The following NRG3 variants were observed in gnomAD, a reference collection of about 807,000 sequenced individuals.
NRG3 encodes the protein neuregulin 3.
A neutral mutation model predicts 66.9 loss-of-function variants in NRG3; 31 were observed. That is an observed-to-expected ratio of 0.46 (90% CI 0.35 to 0.63). The LOEUF (loss-of-function observed/expected upper bound fraction) is 0.63, where lower values mean the gene tolerates loss of function less well. Among genes scored for constraint, NRG3 ranks in the 20% least tolerant of loss-of-function variants. The probability of loss-of-function intolerance (pLI) is 0.00; values close to 1 mark genes in which losing one functional copy is unlikely to be tolerated. For synonymous variants in NRG3, 393 were observed against 359.4 expected (o/e 1.09, Z -1.06); for missense variants, 910 against 878.9 (o/e 1.04, Z -0.45).
At chr10:82,058,467 C>A (rs961190269) in intron 1 of NRG3, among the ~76,000 whole-genome samples, 1 of 151,630 alleles carries the variant, frequency 6.6e-6, no homozygotes. Flanking sequence ...CGACCCGTTT[C>A]ATCTGTAGAA....
chr10:82,579,234 G>T (rs368432339), intron 2 of NRG3, among the ~76,000 whole-genome samples: 1 of 151,550 alleles, frequency 6.6e-6, no homozygotes, highest in Non-Finnish European at 1.5e-5. Context: ...TATACTGCAA[G>T]ATTTTTTTTT....
At position 82,699,246 on chromosome 10, in the gene NRG3, A is replaced by G. The variant is rs1591220231; in HGVS notation, c.954-39331A>G. 3.0e-5 allele frequency among the ~76,000 whole-genome samples: 4 copies of G among 131,744 alleles called. No individual in the cohort carries two copies. In the East Asian group the frequency reaches 8.5e-4, roughly 28 times the overall value. 86.4% of individuals were successfully genotyped at this position (131,744 alleles called of 152,430 possible). A position where few individuals can be genotyped will look rare whatever the true frequency, so the allele number is the denominator to read the frequency against. On this transcript the variant is annotated intron_variant, in intron 2 of 8. Coordinates refer to ENST00000372141, the MANE Select transcript of NRG3 (RefSeq NM_001010848.4). ...GAAAAGAAAGAAAATAAAAGAAGGA[A>G]AGAGGGAAGGAAGGAAGGAAGGAAG...
At chr10:82,296,733 G>T (rs895470114) in intron 1 of NRG3, among the ~76,000 whole-genome samples, 1 of 150,582 alleles carries the variant, frequency 6.6e-6, no homozygotes, top group Admixed American at 6.6e-5. Context: ...TCATCATATT[G>T]TTCTATCTAA....
At chr10:81,908,266 G>T (rs1243190885) in intron 1 of NRG3, among the ~76,000 whole-genome samples, 1 of 152,088 alleles carries the variant, frequency 6.6e-6, no homozygotes, top group Non-Finnish European at 1.5e-5. Context: ...TATCACCAGT[G>T]ATATCATAGT....
At chr10:82,647,154 CT>C (rs1565162613) in intron 2 of NRG3, among the ~76,000 whole-genome samples, 1 of 151,926 alleles carries the variant, frequency 6.6e-6, no homozygotes, top group Non-Finnish European at 1.5e-5. Context: ...TCCCTCCCCA[CT>C]CCCCCGACCC....
At chr10:81,918,091 T>G (rs1189531798) in intron 1 of NRG3, among the ~76,000 whole-genome samples, 3 of 152,242 alleles carry the variant, frequency 2.0e-5, no homozygotes, top group African/African-American at 4.8e-5. Flanking sequence ...GAAATAGTTT[T>G]TTCATGCTGA....
At chr10:81,952,383 G>A (rs569864959) in intron 1 of NRG3, among the ~76,000 whole-genome samples, 21 of 152,184 alleles carry the variant, frequency 1.4e-4, no homozygotes, top group African/African-American at 4.8e-4. Flanking sequence ...GCTTGTGTGT[G>A]TGTGTATGTG....
chr10:82,426,813 T>G (rs2089479530), intron 2 of NRG3, among the ~76,000 whole-genome samples: 1 of 151,796 alleles, frequency 6.6e-6, no homozygotes, highest in Non-Finnish European at 1.5e-5. Context: ...TTTGTAATTT[T>G]TAATTTTCTT....
chr10:82,678,375 G>A (rs937589937), intron 2 of NRG3, among the ~76,000 whole-genome samples: 1 of 152,136 alleles, frequency 6.6e-6, no homozygotes, highest in Non-Finnish European at 1.5e-5. Context: ...TTCTCTGGCC[G>A]GCAGGGGTGG....
At chr10:82,625,383 C>G (rs1476753369) in intron 2 of NRG3, among the ~76,000 whole-genome samples, 1 of 152,022 alleles carries the variant, frequency 6.6e-6, no homozygotes, top group Non-Finnish European at 1.5e-5. Flanking sequence ...ATTAAATACA[C>G]AGATACTTTT....
At chr10:81,994,451 A>G (rs997814582) in intron 1 of NRG3, among the ~76,000 whole-genome samples, 3 of 152,166 alleles carry the variant, frequency 2.0e-5, no homozygotes, top group African/African-American at 7.2e-5. Context: ...CAAGGTTCCC[A>G]GTTTATCCTC....
intron 2 of NRG3, among the ~76,000 whole-genome samples, chr10:82,490,364 G>A (rs1052640071): frequency 6.6e-6 from 1 of 152,058 alleles, no homozygotes; most frequent in African/African-American, 2.4e-5. Context: ...CCCAGTCTTG[G>A]GTGATCTATC....
rs1241950771 is a variant in NRG3, at chr10:82,021,781, G to A, written c.823+145618G>A. 3.6e-5 allele frequency among the ~76,000 whole-genome samples: 5 copies of A among 137,516 alleles called. No homozygotes were observed. In the East Asian group the frequency reaches 1.1e-3, roughly 31 times the overall value. 90.2% of individuals were successfully genotyped at this position (137,516 alleles called of 152,430 possible). ...GAAACTCTAATAAGCTTTTGGGCAT[G>A]TAGTATGTGTGTGTGTGTGTGTGTG... On this transcript the variant is annotated intron_variant, in intron 1 of 8. Transcript: ENST00000372141.
chr10:82,242,125 C>T (rs1470508144), intron 1 of NRG3, among the ~76,000 whole-genome samples: 1 of 151,948 alleles, frequency 6.6e-6, no homozygotes, highest in Non-Finnish European at 1.5e-5. Flanking sequence ...TGTTATAAGC[C>T]TTTCCTAACA....
intron 2 of NRG3, among the ~76,000 whole-genome samples, chr10:82,667,366 A>G (rs374249353): frequency 2.5e-4 from 38 of 152,262 alleles, no homozygotes; most frequent in African/African-American, 9.1e-4. Context: ...GTGAAGAATG[A>G]TGTCTCCAGC....
At chr10:82,218,235 C>T (rs2075778810) in intron 1 of NRG3, among the ~76,000 whole-genome samples, 1 of 152,006 alleles carries the variant, frequency 6.6e-6, no homozygotes, top group African/African-American at 2.4e-5. Context: ...AGGTTATGTC[C>T]CATACAAATT....
intron 2 of NRG3, among the ~76,000 whole-genome samples, chr10:82,400,860 G>A (rs993651356): frequency 4.6e-5 from 7 of 152,136 alleles, no homozygotes; most frequent in African/African-American, 1.7e-4. Context: ...ACCAGCATGA[G>A]CCACCATGCC....
intron 2 of NRG3, among the ~76,000 whole-genome samples, chr10:82,699,938 A>G (rs1189879790): frequency 6.6e-6 from 1 of 152,114 alleles, no homozygotes; most frequent in Non-Finnish European, 1.5e-5. Flanking sequence ...AACTTGGTCT[A>G]TGCATTGACT....
At chr10:82,923,681 G>A (rs1846685061) in intron 4 of NRG3, among the ~76,000 whole-genome samples, 1 of 151,992 alleles carries the variant, frequency 6.6e-6, no homozygotes, top group Non-Finnish European at 1.5e-5. Context: ...CAGAACATCA[G>A]GCAATTAGCA....
Sources: gnomAD v4.1 joint callset for allele counts (sites outside exome capture counted in the v4.1 genomes callset) on GRCh38, gnomAD v4.1.1 for gene constraint, MANE v1.5 for transcripts, NCBI Gene and HGNC (gene_info 2026-07-23, HGNC 2026-07-21) for gene names.